Variants in PKIB observed in about 807,000 individuals in gnomAD.
The protein encoded by PKIB is cAMP-dependent protein kinase inhibitor beta, also known as PKI-beta.
PKIB carries 2 observed loss-of-function variants against 4.5 expected under a neutral mutation model. That is an observed-to-expected ratio of 0.44 (90% confidence interval 0.18 to 1.39). The LOEUF (loss-of-function observed/expected upper bound fraction) is 1.39, where lower values mean the gene tolerates loss of function less well. Among genes scored for constraint, PKIB ranks in the 40% most tolerant of loss-of-function variants. PKIB has a pLI of 0.27. For synonymous variants in PKIB, 38 were observed against 36.0 expected (o/e 1.06, Z -0.20); for missense variants, 94 against 92.6 (o/e 1.02, Z -0.06).
At chr6:122,649,347 T>G (rs1776456023) in intron 2 of PKIB, among the ~76,000 whole-genome samples, 1 of 152,216 alleles carries the variant, frequency 6.6e-6, no homozygotes, top group Admixed American at 6.5e-5. Context: ...GCACTGTCCT[T>G]CAGATATGTA....
chr6:122,582,388 C>G (rs924561456), intron 2 of PKIB, among the ~76,000 whole-genome samples: 18 of 151,956 alleles, frequency 1.2e-4, no homozygotes, highest in Admixed American at 2.6e-4. Flanking sequence ...GTTGTTGGCT[C>G]GTGGCTTTCA....
chr6:122,680,222 C>T (rs1253693796), intron 3 of PKIB, among the ~76,000 whole-genome samples: 2 of 152,160 alleles, frequency 1.3e-5, no homozygotes, highest in Non-Finnish European at 2.9e-5. Flanking sequence ...AATACAGGGG[C>T]AATTTTCCAT....
At chr6:122,697,070 A>C (rs1055857660) in intron 3 of PKIB, among the ~76,000 whole-genome samples, 1 of 152,176 alleles carries the variant, frequency 6.6e-6, no homozygotes, top group Non-Finnish European at 1.5e-5. Context: ...CAGGAGTTGC[A>C]CTCAAGAGCA....
intron 2 of PKIB, among the ~76,000 whole-genome samples, chr6:122,546,959 G>A (rs1253946042): frequency 6.6e-6 from 1 of 152,030 alleles, no homozygotes; most frequent in Non-Finnish European, 1.5e-5. Flanking sequence ...AGATACAGGG[G>A]AAGAAGAGAT....
intron 3 of PKIB, among the ~76,000 whole-genome samples, chr6:122,677,415 T>C (rs989299105): frequency 6.6e-6 from 1 of 152,182 alleles, no homozygotes; most frequent in African/African-American, 2.4e-5. Flanking sequence ...TAACTTTTGG[T>C]TGAAGAAAGT....
At chr6:122,654,286 G>A (rs959437087) in intron 2 of PKIB, among the ~76,000 whole-genome samples, 4 of 152,190 alleles carry the variant, frequency 2.6e-5, no homozygotes, top group Non-Finnish European at 4.4e-5. Flanking sequence ...AGAGCATTCT[G>A]TTGGAATAAG....
At chr6:122,670,600 C>G (rs992998242) in intron 2 of PKIB, among the ~76,000 whole-genome samples, 2 of 152,066 alleles carry the variant, frequency 1.3e-5, no homozygotes, top group Non-Finnish European at 2.9e-5. Context: ...TAATCTGGTC[C>G]TAGTATACCT....
At chr6:122,654,734 A>G (rs1776701186) in intron 2 of PKIB, among the ~76,000 whole-genome samples, 1 of 152,196 alleles carries the variant, frequency 6.6e-6, no homozygotes, top group South Asian at 2.1e-4. Context: ...TGATTTACTC[A>G]TAACCTGTCT....
rs71021412 is a variant in PKIB, at chr6:122,662,308, C to CTTTTTTTTTTTTTTTTTT, written c.-75-12758_-75-12741dup. Among the ~76,000 whole-genome samples the CTTTTTTTTTTTTTTTTTT allele has an allele frequency of 2.0e-3, 27 of 13,262 alleles. 4 individuals carry two copies. Among genetic ancestry groups the CTTTTTTTTTTTTTTTTTT allele is most frequent in the Non-Finnish European group, 2.7e-3 (18 of 6,648 alleles). The allele number at this position is 13,262 out of a possible 152,430, so 8.7% of individuals were successfully genotyped here. A position where few individuals can be genotyped will look rare whatever the true frequency, so the allele number is the denominator to read the frequency against. ...CTCTCCTTCTTTCTTTCCTTGTCTC[C>CTTTTTTTTTTTTTTTTTT]TTTTTTTTTTTTTTTTTTTTTTTTT... On this transcript the variant is annotated intron_variant, in intron 2 of 4. Coordinates refer to ENST00000368452, the MANE Select transcript of PKIB (RefSeq NM_181795.3).
At chr6:122,508,860 C>T (rs948862697) in intron 2 of PKIB, among the ~76,000 whole-genome samples, 2 of 152,028 alleles carry the variant, frequency 1.3e-5, no homozygotes, top group Admixed American at 6.6e-5. Flanking sequence ...ACGCCATTCT[C>T]CTGCCTCAGC....
intron 2 of PKIB, among the ~76,000 whole-genome samples, chr6:122,485,437 T>G (rs1775738406): frequency 6.6e-6 from 1 of 152,150 alleles, no homozygotes; most frequent in Non-Finnish European, 1.5e-5. Context: ...GTTAAAATAT[T>G]AGAACAAACT....
At chr6:122,590,133 G>T (rs540896718) in intron 3 of PKIB, among the ~76,000 whole-genome samples, 2 of 152,254 alleles carry the variant, frequency 1.3e-5, no homozygotes, top group South Asian at 4.1e-4. Context: ...AGGATGAGTG[G>T]TATCTGATTA....
chr6:122,686,029 T>A (rs1181803113), intron 3 of PKIB, among the ~76,000 whole-genome samples: 1 of 152,194 alleles, frequency 6.6e-6, no homozygotes, highest in Non-Finnish European at 1.5e-5. Flanking sequence ...TGTGTATAGG[T>A]ATCACATTTT....
chr6:122,525,497 A>G (rs565537831), intron 2 of PKIB, among the ~76,000 whole-genome samples: 1 of 152,264 alleles, frequency 6.6e-6, no homozygotes, highest in South Asian at 2.1e-4. Context: ...CAATTGGTTT[A>G]TACAGACATA....
chr6:122,649,222 G>C (rs1278309877), intron 2 of PKIB, among the ~76,000 whole-genome samples: 1 of 152,030 alleles, frequency 6.6e-6, no homozygotes, highest in African/African-American at 2.4e-5. Context: ...CCAAACTGTT[G>C]ACCACAGCCC....
At chr6:122,532,128 G>A (rs1777276204) in intron 2 of PKIB, among the ~76,000 whole-genome samples, 1 of 152,172 alleles carries the variant, frequency 6.6e-6, no homozygotes. Context: ...GTAAATGGTA[G>A]CTATAATGTA....
intron 3 of PKIB, among the ~76,000 whole-genome samples, chr6:122,678,831 C>T (rs1265858408): frequency 1.3e-5 from 2 of 152,108 alleles, no homozygotes; most frequent in Non-Finnish European, 2.9e-5. Context: ...AGGTGCAAAA[C>T]CATAACCCAC....
upstream of PKIB, among the ~76,000 whole-genome samples, chr6:122,607,082 A>T (rs9490491): frequency 4.6e-5 from 7 of 150,646 alleles, no homozygotes; most frequent in East Asian, 1.9e-4. Context: ...TTGGTAAAAA[A>T]AAAAATAATA....
intron 3 of PKIB, among the ~76,000 whole-genome samples, chr6:122,683,210 A>G (rs1777969198): frequency 6.6e-6 from 1 of 152,194 alleles, no homozygotes; most frequent in Non-Finnish European, 1.5e-5. Context: ...ATAATTTATT[A>G]AAAAGATTTA....
Sources: allele counts gnomAD v4.1 joint callset (sites outside exome capture counted in the v4.1 genomes callset), GRCh38; gene constraint gnomAD v4.1.1; transcripts MANE v1.5; gene names NCBI Gene and HGNC (gene_info 2026-07-23, HGNC 2026-07-21).